Variants in HMBOX1 observed in about 807,000 individuals in gnomAD.
HMBOX1 encodes the protein homeobox-containing protein 1.
Under a neutral mutation model 54.5 loss-of-function variants are expected in HMBOX1, and 14 were observed. That is an observed-to-expected ratio of 0.26 (90% confidence interval 0.17 to 0.40). The LOEUF (loss-of-function observed/expected upper bound fraction) is 0.40, where lower values mean the gene tolerates loss of function less well. Ranked by LOEUF, HMBOX1 falls within the 10% of genes least tolerant of loss-of-function variation. The pLI is 1.00. For synonymous variants in HMBOX1, 160 were observed against 181.0 expected, an observed-to-expected ratio of 0.88 and a Z score of 0.93; for missense variants, 332 against 514.4, an observed-to-expected ratio of 0.65 and a Z score of 3.43.
chr8:28,987,312 T>C (rs1338662016), intron 4 of HMBOX1, among the ~76,000 whole-genome samples: 2 of 152,206 alleles, frequency 1.3e-5, no homozygotes, highest in African/African-American at 4.8e-5. Context: ...GTTTCTTTGA[T>C]TGTTGTGTGA....
At chr8:29,014,825 G>A (rs1205013726) in intron 5 of HMBOX1, among the ~76,000 whole-genome samples, 2 of 151,928 alleles carry the variant, frequency 1.3e-5, no homozygotes, top group Non-Finnish European at 2.9e-5. Flanking sequence ...GATTACAGGC[G>A]TGTGCCACCA....
chr8:29,047,447 A>C lies in HMBOX1; in HGVS notation c.1024A>C (p.Asn342His). ...AAGGAAGGAGATCAAGAGGAGAGCCAATATTGGTAATGTATCAGTGAGGCT... is the reference window on the plus strand; with the variant it reads ...AAGGAAGGAGATCAAGAGGAGAGCCCATATTGGTAATGTATCAGTGAGGCT... ...NRRKEIKRRA[N>H]IEAAILESHG... Residue 342 changes from asparagine (N) to histidine (H), a missense_variant, in exon 8 of 10, where the codon AAT becomes CAT. Physicochemically the swap from Asn to His is moderately conservative, Grantham distance 68 (BLOSUM62 1). Around this residue, in one of 4 missense-constraint regions of HMBOX1, gnomAD observed 69 missense variants for 104.6 expected, o/e 0.66. Transcript: ENST00000287701. 6.5e-7 allele frequency: 1 copy of C among 1,529,740 alleles called. No homozygotes were observed. The highest frequency in any genetic ancestry group is 9.1e-7 in the Non-Finnish European group (1 of 1,103,060). The allele number at this position is 1,529,740 out of a possible 1,614,324, so 94.8% of individuals were successfully genotyped here.
At chr8:28,909,011 C>T (rs1476736401) in intron 1 of HMBOX1, among the ~76,000 whole-genome samples, 2 of 151,016 alleles carry the variant, frequency 1.3e-5, no homozygotes, top group Non-Finnish European at 2.9e-5. Context: ...AAGGCAGGAT[C>T]ATTTGAGCCA....
rs1373336654 is a variant in HMBOX1 at position 29,052,002 on chromosome 8, T to G, written c.*847T>G. On this transcript the variant is annotated 3_prime_UTR_variant, in exon 10 of 10. Transcript: ENST00000287701. ...TCCAGTTTTCAGAACCACTGTACAT[T>G]CCACGGCACAGTTAGCAGTGCCTGC... 1.2e-5 allele frequency: 2 copies of G among 163,428 alleles called. No individual in the cohort carries two copies. Among genetic ancestry groups the G allele is most frequent in the Non-Finnish European group, 2.7e-5 (2 of 75,078 alleles). The allele number at this position is 163,428 out of a possible 1,614,324, so 10.1% of individuals were successfully genotyped here.
chr8:28,900,268 AAAAATATAT>A (rs1318766612), intron 1 of HMBOX1, among the ~76,000 whole-genome samples: 1 of 78,074 alleles, frequency 1.3e-5, no homozygotes, highest in Admixed American at 1.8e-4. Context: ...AAAAAAAAAA[AAAAATATAT>A]ATATATATAT....
intron 1 of HMBOX1, among the ~76,000 whole-genome samples, chr8:28,960,770 T>C (rs1237809631): frequency 1.1e-4 from 5 of 45,002 alleles, no homozygotes; most frequent in African/African-American, 4.8e-4. Context: ...TTTTTCTTTT[T>C]TTTTTTTTTT....
chr8:28,903,732 A>C (rs1813700266), intron 1 of HMBOX1, among the ~76,000 whole-genome samples: 1 of 152,244 alleles, frequency 6.6e-6, no homozygotes, highest in South Asian at 2.1e-4. Flanking sequence ...AATTGATTTT[A>C]AAAACTTGGT....
intron 1 of HMBOX1, among the ~76,000 whole-genome samples, chr8:28,935,455 G>A (rs1820235893): frequency 1.3e-5 from 2 of 152,186 alleles, no homozygotes; most frequent in Admixed American, 1.3e-4. Flanking sequence ...AATTCATTGA[G>A]CAAATGTTGG....
intron 1 of HMBOX1, among the ~76,000 whole-genome samples, chr8:28,901,578 A>G (rs1453381453): frequency 6.6e-6 from 1 of 152,222 alleles, no homozygotes; most frequent in East Asian, 1.9e-4. Context: ...TTGCAGCAGT[A>G]AAACTGGCCT....
chr8:28,912,098 A>G lies in HMBOX1; in HGVS notation c.-58+21420A>G, dbSNP rs1045332529. ...TATCTCATTTAATTTATTGAACACT[A>G]TACTGAAACTGTTCTAAGCACATTT... On this transcript the variant is annotated intron_variant, in intron 1 of 9. Coordinates refer to ENST00000287701, the MANE Select transcript of HMBOX1 (RefSeq NM_001135726.3). 2.0e-5 allele frequency among the ~76,000 whole-genome samples: 3 copies of G among 152,202 alleles called. No homozygotes were observed. The East Asian group carries it at 5.8e-4, about 29-fold the overall frequency.
At chr8:28,959,184 C>T (rs571209675) in intron 1 of HMBOX1, among the ~76,000 whole-genome samples, 28 of 151,776 alleles carry the variant, frequency 1.8e-4, no homozygotes, top group Admixed American at 1.8e-3. Flanking sequence ...TTTCACTGAA[C>T]GGAAGCACTT....
intron 4 of HMBOX1, among the ~76,000 whole-genome samples, chr8:28,988,102 C>T (rs1425230935): frequency 6.6e-6 from 1 of 152,172 alleles, no homozygotes; most frequent in Non-Finnish European, 1.5e-5. Flanking sequence ...CACCCCCAGT[C>T]CCTGGCAACC....
chr8:28,961,906 T>C (rs1825672199), intron 1 of HMBOX1, among the ~76,000 whole-genome samples: 1 of 134,880 alleles, frequency 7.4e-6, no homozygotes, highest in East Asian at 2.3e-4. Flanking sequence ...TTTTTTTTTT[T>C]TTTTTTCTTT....
At chr8:28,960,784 TTTTTTTTTTTTTTTTTTTTTG>T (rs1825427653) in intron 1 of HMBOX1, among the ~76,000 whole-genome samples, 1 of 72,292 alleles carries the variant, frequency 1.4e-5, no homozygotes, top group Non-Finnish European at 3.0e-5. Flanking sequence ...TTTTTTTTTT[TTTTTTTTTTTTTTTTTTTTTG>T]GAGACGGAGT....
At chr8:28,938,865 C>T (rs539624685) in intron 1 of HMBOX1, among the ~76,000 whole-genome samples, 2 of 152,234 alleles carry the variant, frequency 1.3e-5, no homozygotes, top group East Asian at 3.9e-4. Flanking sequence ...TAAATTCTTC[C>T]TTTCTAAATT....
At chr8:28,990,193 T>A (rs1274024737) in intron 4 of HMBOX1, among the ~76,000 whole-genome samples, 1 of 152,202 alleles carries the variant, frequency 6.6e-6, no homozygotes, top group Non-Finnish European at 1.5e-5. Flanking sequence ...TTCCCCTTTA[T>A]TGAACTAGCA....
intron 6 of HMBOX1, among the ~76,000 whole-genome samples, chr8:29,035,338 AC>A (rs1288884080): frequency 6.6e-6 from 1 of 152,102 alleles, no homozygotes; most frequent in African/African-American, 2.4e-5. Flanking sequence ...TTTGTAAGTG[AC>A]CAGTTTATAA....
At chr8:29,004,382 G>T (rs1277124189) in intron 4 of HMBOX1, among the ~76,000 whole-genome samples, 1 of 152,148 alleles carries the variant, frequency 6.6e-6, no homozygotes, top group Non-Finnish European at 1.5e-5. Flanking sequence ...AGCATTCCAA[G>T]GAGGAAGATG....
At chr8:28,921,540 A>G (rs1817557931) in intron 1 of HMBOX1, among the ~76,000 whole-genome samples, 1 of 152,210 alleles carries the variant, frequency 6.6e-6, no homozygotes, top group African/African-American at 2.4e-5. Flanking sequence ...AATACCACAA[A>G]GTATTAGTAG....
Sources: allele counts gnomAD v4.1 joint callset (sites outside exome capture counted in the v4.1 genomes callset), GRCh38; gene constraint gnomAD v4.1.1; regional missense constraint gnomAD v4.1.1; transcripts MANE v1.5; gene names NCBI Gene and HGNC (gene_info 2026-07-23, HGNC 2026-07-21).